The following MEGF11 variants were observed in gnomAD, a reference collection of about 807,000 sequenced individuals.
The protein encoded by MEGF11 is multiple epidermal growth factor-like domains protein 11.
MEGF11 carries 126 observed loss-of-function variants against 146.6 expected under a neutral mutation model. The observed-to-expected ratio is 0.86, with a 90% CI of 0.74 to 1.00. The LOEUF is 1.00. MEGF11 is among the 50% of genes least tolerant of loss of function. The pLI is 0.00. For missense variants in MEGF11, 1,509 were observed against 1,521.2 expected (o/e 0.99, Z 0.13); for synonymous variants, 532 against 583.4 (o/e 0.91, Z 1.27).
intron 5 of MEGF11, among the ~76,000 whole-genome samples, chr15:66,079,251 G>A (rs1224751453): frequency 2.0e-5 from 3 of 152,180 alleles, no homozygotes; most frequent in Non-Finnish European, 4.4e-5. Context: ...TTTTCTTGGG[G>A]GGACAGATGA....
intron 1 of MEGF11, among the ~76,000 whole-genome samples, chr15:66,181,361 T>C (rs1366822774): frequency 6.6e-6 from 1 of 151,840 alleles, no homozygotes; most frequent in Non-Finnish European, 1.5e-5. Context: ...TTTGTTTTTG[T>C]TTTTTTTCAG....
At chr15:66,162,732 A>G (rs1392568077) in intron 1 of MEGF11, among the ~76,000 whole-genome samples, 4 of 152,236 alleles carry the variant, frequency 2.6e-5, no homozygotes, top group Non-Finnish European at 5.9e-5. Context: ...ACACAGGTGT[A>G]TCTATCTGTA....
At chr15:66,008,694 T>G (rs1000424849) in intron 5 of MEGF11, among the ~76,000 whole-genome samples, 4 of 152,110 alleles carry the variant, frequency 2.6e-5, no homozygotes, top group African/African-American at 9.7e-5. Context: ...CATGGTGGCA[T>G]GTGCCTGTGG....
At chr15:65,985,973 CAG>C (rs768413412) in intron 5 of MEGF11, among the ~76,000 whole-genome samples, 212 of 135,346 alleles carry the variant, frequency 1.6e-3, no homozygotes, top group Middle Eastern at 4.3e-3. Flanking sequence ...TTTTTTGAGA[CAG>C]AGTTTTGTTC....
chr15:66,205,240 C>T (rs1276183080), intron 1 of MEGF11, among the ~76,000 whole-genome samples: 1 of 151,864 alleles, frequency 6.6e-6, no homozygotes, highest in Non-Finnish European at 1.5e-5. Context: ...TAGGAGTTTG[C>T]GATCAGCCTG....
chr15:66,217,690 C>T (rs1467846234), intron 1 of MEGF11, among the ~76,000 whole-genome samples: 1 of 152,152 alleles, frequency 6.6e-6, no homozygotes, highest in African/African-American at 2.4e-5. Flanking sequence ...GACATTAGGC[C>T]CCTTGTTTCA....
intron 5 of MEGF11, among the ~76,000 whole-genome samples, chr15:66,007,645 C>G (rs982974554): frequency 6.6e-6 from 1 of 152,082 alleles, no homozygotes; most frequent in Admixed American, 6.5e-5. Context: ...AGCTACTACT[C>G]CAGAAGCTGA....
intron 10 of MEGF11, among the ~76,000 whole-genome samples, chr15:65,948,373 A>C (rs1472417332): frequency 6.6e-6 from 1 of 151,992 alleles, no homozygotes; most frequent in Non-Finnish European, 1.5e-5. Flanking sequence ...CACCATTATG[A>C]AGCTGTTTTA....
rs564892941 is a variant in MEGF11, at chr15:66,251,504, A to G, written c.-9+2101T>C. On this transcript the variant is annotated intron_variant, in intron 1 of 25. Coordinates refer to ENST00000395614, the MANE Select transcript of MEGF11 (RefSeq NM_001385028.1). ...GGTGCAGGGACAGAACAGGTATGCAACAAACTGTCACATGAGTGATTTATC... is the reference window on the plus strand; with the variant it reads ...GGTGCAGGGACAGAACAGGTATGCAGCAAACTGTCACATGAGTGATTTATC... 2.6e-5 allele frequency among the ~76,000 whole-genome samples: 4 copies of G among 152,336 alleles called. No individual in the cohort carries two copies. The East Asian group carries it at 7.7e-4, about 29-fold the overall frequency.
At chr15:65,950,861 A>G (rs1567172747) in intron 10 of MEGF11, among the ~76,000 whole-genome samples, 1 of 152,214 alleles carries the variant, frequency 6.6e-6, no homozygotes, top group Non-Finnish European at 1.5e-5. Flanking sequence ...GTTTACATAA[A>G]TTTCAGAGAA....
chr15:66,248,720 C>T (rs2092331412), intron 1 of MEGF11, among the ~76,000 whole-genome samples: 1 of 152,292 alleles, frequency 6.6e-6, no homozygotes. Flanking sequence ...TCACACTTGG[C>T]CCAGAGAGAC....
At chr15:66,016,029 C>T (rs140849422) in intron 5 of MEGF11, among the ~76,000 whole-genome samples, 1 of 151,872 alleles carries the variant, frequency 6.6e-6, no homozygotes, top group African/African-American at 2.4e-5. Context: ...GGAGAGAGAC[C>T]CTTCCACATT....
At chr15:66,026,787 C>T (rs968672783) in intron 5 of MEGF11, among the ~76,000 whole-genome samples, 8 of 152,004 alleles carry the variant, frequency 5.3e-5, no homozygotes, top group Non-Finnish European at 1.0e-4. Context: ...CACACCTGGC[C>T]GAAGCCTAGC....
intron 5 of MEGF11, among the ~76,000 whole-genome samples, chr15:66,009,863 G>A (rs1022702826): frequency 3.6e-4 from 55 of 152,062 alleles, no homozygotes; most frequent in African/African-American, 1.3e-3. Flanking sequence ...CAAAGTGCTG[G>A]GATTACAGGC....
chr15:66,012,719 C>A (rs970877429), intron 5 of MEGF11, among the ~76,000 whole-genome samples: 2 of 152,220 alleles, frequency 1.3e-5, no homozygotes, highest in Admixed American at 1.3e-4. Flanking sequence ...GTGATGCCCA[C>A]AAGCCCTAAA....
chr15:66,225,966 A>G (rs537083328), intron 1 of MEGF11, among the ~76,000 whole-genome samples: 1 of 152,180 alleles, frequency 6.6e-6, no homozygotes, highest in Non-Finnish European at 1.5e-5. Flanking sequence ...CCCCTTATCC[A>G]CAGTTTTGCT....
chr15:66,177,381 AT>A (rs1356991643), intron 1 of MEGF11, among the ~76,000 whole-genome samples: 3 of 152,084 alleles, frequency 2.0e-5, no homozygotes, highest in African/African-American at 7.2e-5. Flanking sequence ...TTTCCACTGA[AT>A]TTTTTGTGTT....
rs754710179 is a variant in MEGF11 at position 65,957,598 on chromosome 15, G to A, written c.1236C>T (p.Gly412=). ...CCCCAGTGATGCTGTGGCAGTCGGC[G>A]CCATTCTGACAGGTGCAAGGCAGCT... ...GCQLPCTCQN[G]ADCHSITGGC... The change falls in exon 10 of 26, where the codon GGC becomes GGT. Residue 412 remains glycine (G), a synonymous_variant. Transcript: ENST00000395614. 18 of 1,613,788 alleles carry A rather than the reference G, an allele frequency of 1.1e-5. No individual in the cohort carries two copies. Among genetic ancestry groups the A allele is most frequent in the Non-Finnish European group, 1.4e-5 (17 of 1,179,880 alleles).
chr15:66,247,667 A>G (rs969034492), intron 1 of MEGF11, among the ~76,000 whole-genome samples: 18 of 152,126 alleles, frequency 1.2e-4, no homozygotes, highest in Admixed American at 2.0e-4. Flanking sequence ...CTTGAGCCCA[A>G]GAGTTTGAGG....
Sources: gnomAD v4.1 joint callset for allele counts (sites outside exome capture counted in the v4.1 genomes callset) on GRCh38, gnomAD v4.1.1 for gene constraint, MANE v1.5 for transcripts, NCBI Gene and HGNC (gene_info 2026-07-23, HGNC 2026-07-21) for gene names.